The following METTL22 variants were observed in gnomAD, a reference collection of about 807,000 sequenced individuals.
METTL22 encodes the protein methyltransferase 22, Kin17 lysine, also known as methyltransferase-like protein 22.
Under a neutral mutation model 48.4 loss-of-function variants are expected in METTL22, and 51 were observed. The observed-to-expected ratio is 1.05, with a 90% CI of 0.84 to 1.33. The LOEUF (loss-of-function observed/expected upper bound fraction) is 1.33, where lower values mean the gene tolerates loss of function less well. Ranked by LOEUF, METTL22 falls within the 40% of genes most tolerant of loss-of-function variation. The pLI, the probability that METTL22 is intolerant of heterozygous loss-of-function variation, is 0.00. For missense variants in METTL22, 678 were observed against 526.9 expected (o/e 1.29, Z -2.81); for synonymous variants, 255 against 214.1 (o/e 1.19, Z -1.67).
At chr16:8,657,790 G>C in the METTL22 span, among the ~76,000 whole-genome samples, 5 of 141,078 alleles carry the variant, frequency 3.5e-5, no homozygotes, top group African/African-American at 1.4e-4. Flanking sequence ...TAAATCTAAT[G>C]ACTGGTGTCC....
chr16:8,657,824 C>CTTTTTTTTTTTTTTT, the METTL22 span, among the ~76,000 whole-genome samples: 20 of 137,468 alleles, frequency 1.5e-4, no homozygotes, highest in African/African-American at 5.5e-4. Context: ...TCTTTTCTTT[C>CTTTTTTTTTTTTTTT]TTTTTTTTTT....
chr16:8,641,005 G>T, intron 6 of METTL22, 126 bp from the exon 7 acceptor site: 1 of 807,146 alleles, frequency 1.2e-6, no homozygotes, highest in Non-Finnish European at 2.0e-6. Flanking sequence ...AGGGCAGGAA[G>T]GTGGATGGGT....
chr16:8,664,505 G>A, the METTL22 span, among the ~76,000 whole-genome samples: 1 of 151,928 alleles, frequency 6.6e-6, no homozygotes, highest in Non-Finnish European at 1.5e-5. Flanking sequence ...CCAGCCTGGA[G>A]TGCAGTGATG....
At chr16:8,635,120 CCTGCAGAGCCTCACG>C (rs752891335) in intron 4 of METTL22, 33 bp from the exon 5 acceptor site, 2 of 1,613,800 alleles carry the variant, frequency 1.2e-6, no homozygotes, top group Admixed American at 1.7e-5. Context: ...CTGATGGGTC[CCTGCAGAGCCTCACG>C]CTGCTTGTCG....
chr16:8,638,823 G>A (rs57463066), intron 5 of METTL22, among the ~76,000 whole-genome samples: 243 of 152,266 alleles, frequency 1.6e-3, no homozygotes, highest in African/African-American at 5.6e-3. Flanking sequence ...TGTTGCATGT[G>A]CTCGGATGAT....
chr16:8,636,628 A>G (rs879173844), intron 5 of METTL22, among the ~76,000 whole-genome samples: 2 of 125,226 alleles, frequency 1.6e-5, no homozygotes, highest in South Asian at 2.8e-4. Context: ...GGCCATTCCT[A>G]TGGGTTTTGG....
chr16:8,637,133 G>A (rs1022526411), intron 5 of METTL22, among the ~76,000 whole-genome samples: 13 of 152,202 alleles, frequency 8.5e-5, no homozygotes, highest in African/African-American at 3.1e-4. Context: ...GACAAAAAGA[G>A]GTATCAGCTG....
intron 5 of METTL22, among the ~76,000 whole-genome samples, chr16:8,638,810 G>A (rs764044987): frequency 1.8e-4 from 27 of 152,148 alleles, no homozygotes; most frequent in African/African-American, 2.9e-4. Flanking sequence ...GGAAGTGCAC[G>A]CGTGTTGCAT....
intron 6 of METTL22, among the ~76,000 whole-genome samples, chr16:8,639,891 A>T (rs11075187): frequency 1.3e-5 from 2 of 151,074 alleles, no homozygotes; most frequent in East Asian, 2.0e-4. Flanking sequence ...AGCGCCCCCC[A>T]CCACCAACAG....
At chr16:8,653,610 T>C (rs2056928151), downstream of METTL22, among the ~76,000 whole-genome samples, 1 of 152,230 alleles carries the variant, frequency 6.6e-6, no homozygotes, top group South Asian at 2.1e-4. Context: ...TCTCTATTGA[T>C]TACTAGATGC....
downstream of METTL22, among the ~76,000 whole-genome samples, chr16:8,651,393 A>AAAAAAAAAAG (rs71396286): frequency 6.7e-6 from 1 of 150,212 alleles, no homozygotes; most frequent in Middle Eastern, 3.2e-3. Flanking sequence ...TCTCAAAAAA[A>AAAAAAAAAAG]AAAAAAAAAA....
rs914924028 is a variant in METTL22, at chr16:8,647,694, T to A, written c.*1551T>A. The A allele has an allele frequency of 6.6e-6, 1 of 152,214 alleles. No homozygotes were observed. Among genetic ancestry groups the A allele is most frequent in the Admixed American group, 6.5e-5 (1 of 15,280 alleles). 9.4% of individuals were successfully genotyped at this position (152,214 alleles called of 1,614,324 possible). ...CTTGGAAGAAGAAAGCCAAGTACTT[T>A]AGAGAAGAAAAACGGTCTCAGCTGA... On this transcript the variant is annotated 3_prime_UTR_variant, in exon 11 of 11. Coordinates refer to ENST00000381920, the MANE Select transcript of METTL22 (RefSeq NM_024109.4).
In METTL22 at chr16:8,628,870, G is replaced by A. The variant is rs1490891887; in HGVS notation, c.274G>A (p.Gly92Ser). ...TGSTGSPPGSGHGNEGFSLQA... is the reference protein window; with the variant it reads ...TGSTGSPPGSSHGNEGFSLQA... The stretch of plus-strand genomic sequence containing the variant: ...CAGCACAGGGTCCCCTCCAGGAAGT[G>A]GCCATGGTAATGAGGGTTTCTCCCT... The change falls in exon 3 of 11, where the codon GGC becomes AGC. Residue 92 changes from glycine to serine, a missense_variant. Physicochemically the swap from Gly to Ser is moderately conservative, Grantham distance 56. Transcript: ENST00000381920. The A allele has an allele frequency of 1.2e-6, 2 of 1,614,028 alleles. No individual in the cohort carries two copies. The highest frequency in any genetic ancestry group is 1.1e-5 in the South Asian group (1 of 91,078).
chr16:8,666,188 C>G, the METTL22 span, among the ~76,000 whole-genome samples: 1 of 152,192 alleles, frequency 6.6e-6, no homozygotes, highest in East Asian at 1.9e-4. Flanking sequence ...ACATCCTGAG[C>G]AAGCAGTTCT....
intron 10 of METTL22, chr16:8,645,113 CTTCA>C (rs2056747004): frequency 6.0e-6 from 1 of 166,696 alleles, no homozygotes; most frequent in African/African-American, 2.4e-5. Context: ...CTGCTCACAT[CTTCA>C]CTGTGGAAGG....
At chr16:8,637,909 A>G (rs2056471145) in intron 5 of METTL22, among the ~76,000 whole-genome samples, 1 of 151,684 alleles carries the variant, frequency 6.6e-6, no homozygotes, top group African/African-American at 2.4e-5. Flanking sequence ...AGGCCGAGGC[A>G]GGTGGATCAC....
intron 7 of METTL22, 168 bp downstream of exon 7, chr16:8,641,352 C>A: frequency 1.4e-6 from 1 of 719,378 alleles, no homozygotes; most frequent in Non-Finnish European, 2.5e-6. Flanking sequence ...AGCTGTCATT[C>A]TCTGAGCGCC....
rs115347382 is a variant in METTL22 at position 8,639,335 on chromosome 16, G to C, written c.772+173G>C. 6.7e-3 allele frequency: 4,229 copies of C among 633,272 alleles called. 140 individuals are homozygous for C. In the African/African-American group the frequency reaches 0.07, roughly 10 times the overall value. 39.2% of individuals were successfully genotyped at this position (633,272 alleles called of 1,614,324 possible). On this transcript the variant is annotated intron_variant, in intron 6 of 10. Transcript: ENST00000381920. ...CACAGAGCTTCAGAGCATTGAGGAC[G>C]CTCCTTGGGTCACCTCCTCATTCCC... is the stretch of plus-strand genomic sequence containing the variant.
intron 6 of METTL22, among the ~76,000 whole-genome samples, chr16:8,640,399 A>G (rs1471761823): frequency 9.9e-5 from 15 of 152,098 alleles, no homozygotes; most frequent in Non-Finnish European, 4.4e-5. Context: ...CTGGTCTGCA[A>G]GGATGGGGAG....
Sources: gnomAD v4.1 joint callset for allele counts (sites outside exome capture counted in the v4.1 genomes callset) on GRCh38, gnomAD v4.1.1 for gene constraint, MANE v1.5 for transcripts, NCBI Gene and HGNC (gene_info 2026-07-23, HGNC 2026-07-21) for gene names.